ZNF704: variants seen among roughly 807,000 people sequenced by gnomAD.
ZNF704 encodes the protein zinc finger protein 704.
A neutral mutation model predicts 44.7 loss-of-function variants in ZNF704; 10 were observed. The ratio of observed to expected loss-of-function variants is 0.22; its 90% CI spans 0.14 to 0.38. The LOEUF (loss-of-function observed/expected upper bound fraction) is 0.38, where lower values mean the gene tolerates loss of function less well. Ranked by LOEUF, ZNF704 falls within the 10% of genes least tolerant of loss-of-function variation. The pLI is 1.00. For synonymous variants in ZNF704, 211 were observed against 207.6 expected (o/e 1.02, Z -0.14); for missense variants, 390 against 545.5 (o/e 0.71, Z 2.84).
At chr8:80,782,195 G>A (rs1199094261) in intron 2 of ZNF704, among the ~76,000 whole-genome samples, 3 of 152,178 alleles carry the variant, frequency 2.0e-5, no homozygotes, top group Non-Finnish European at 4.4e-5. Flanking sequence ...GCAGACACAA[G>A]CAAGTATGCA....
chr8:80,641,570 A>T, intron 8 of ZNF704, 93 bp from the exon 9 acceptor site: 15 of 122,742 alleles, frequency 1.2e-4, no homozygotes, highest in East Asian at 7.4e-4. Flanking sequence ...GTGAGGGAGG[A>T]AAAAAAAAAA....
chr8:80,747,740 C>A (rs1008285678), intron 2 of ZNF704, among the ~76,000 whole-genome samples: 1 of 152,078 alleles, frequency 6.6e-6, no homozygotes, highest in Admixed American at 6.5e-5. Context: ...TTTTTTGAGA[C>A]GGAGTCTCGC....
chr8:80,673,844 C>T (rs1180994250), intron 4 of ZNF704, among the ~76,000 whole-genome samples: 1 of 152,264 alleles, frequency 6.6e-6, no homozygotes, highest in Non-Finnish European at 1.5e-5. Context: ...AGATTACCAA[C>T]CACGGAAGGA....
intron 6 of ZNF704, among the ~76,000 whole-genome samples, chr8:80,662,711 T>C (rs1818120218): frequency 6.6e-6 from 1 of 152,218 alleles, no homozygotes; most frequent in African/African-American, 2.4e-5. Flanking sequence ...ATTCTGGCAA[T>C]ACATAGTAAG....
chr8:80,823,329 C>G (rs1346995802), intron 1 of ZNF704, among the ~76,000 whole-genome samples: 1 of 152,212 alleles, frequency 6.6e-6, no homozygotes, highest in Admixed American at 6.5e-5. Context: ...ACTGCAAGGA[C>G]AGCAGTCTGA....
intron 4 of ZNF704, among the ~76,000 whole-genome samples, chr8:80,680,167 G>A (rs1473791259): frequency 6.6e-6 from 1 of 152,148 alleles, no homozygotes; most frequent in African/African-American, 2.4e-5. Flanking sequence ...GTCACCTTCA[G>A]TTCCAAGAGT....
rs181736068 is a variant in ZNF704, at chr8:80,727,351, C to G, written c.222-34244G>C. Among the ~76,000 whole-genome samples, 337 of 151,994 alleles carry G rather than the reference C, an allele frequency of 2.2e-3. 3 individuals carry two copies. The highest frequency in any genetic ancestry group is 1.9e-3 in the Non-Finnish European group (128 of 67,998). Reference sequence around the variant, plus strand: ...TGGAAGAGGGGAAAGATTCTGCTCTCAGACAAAGAAGGAGATGCAAAAGAA... The same window carrying G: ...TGGAAGAGGGGAAAGATTCTGCTCTGAGACAAAGAAGGAGATGCAAAAGAA... On this transcript the variant is annotated intron_variant, in intron 2 of 8. Coordinates refer to ENST00000327835, the MANE Select transcript of ZNF704 (RefSeq NM_001033723.3).
intron 2 of ZNF704, among the ~76,000 whole-genome samples, chr8:80,780,125 G>A (rs747952858): frequency 1.3e-4 from 20 of 152,190 alleles, no homozygotes; most frequent in South Asian, 4.2e-4. Flanking sequence ...GTGTGAGAGG[G>A]TTCAGAGAGA....
chr8:80,662,684 T>C (rs1818119676), intron 6 of ZNF704, among the ~76,000 whole-genome samples: 1 of 152,196 alleles, frequency 6.6e-6, no homozygotes, highest in South Asian at 2.1e-4. Context: ...GCTTTGTACT[T>C]GGTACCACTG....
Position 80,641,493 on chromosome 8 carries a change from G to A in ZNF704, c.1128-16C>T, listed in dbSNP as rs1471698930. 3.2e-6 allele frequency: 5 copies of A among 1,581,676 alleles called. No homozygotes were observed. The highest frequency in any genetic ancestry group is 1.4e-5 in the African/African-American group (1 of 73,962). ...CCTGGGCTTCCTGTAAGACAGACGA[G>A]GAAGGTTAGTTTAGTGGGAGGAATT... On this transcript the variant is annotated splice_polypyrimidine_tract_variant and intron_variant, in intron 8 of 8. Coordinates refer to ENST00000327835, the MANE Select transcript of ZNF704 (RefSeq NM_001033723.3).
At chr8:80,873,908 G>A (rs1335786229) in intron 1 of ZNF704, among the ~76,000 whole-genome samples, 1 of 146,282 alleles carries the variant, frequency 6.8e-6, no homozygotes, top group Non-Finnish European at 1.5e-5. Flanking sequence ...CGCCGGGGCC[G>A]GGCCCGGGAC....
At chr8:80,808,959 C>T (rs796258304) in intron 2 of ZNF704, among the ~76,000 whole-genome samples, 5 of 152,216 alleles carry the variant, frequency 3.3e-5, no homozygotes, top group African/African-American at 1.2e-4. Flanking sequence ...ATAATCAATC[C>T]CGAAGAACAA....
At position 80,834,911 on chromosome 8, in the gene ZNF704, A is replaced by G. The variant is rs1404572777; in HGVS notation, c.-21-13296T>C. Among the ~76,000 whole-genome samples the G allele has an allele frequency of 3.3e-5, 5 of 152,112 alleles. No individual in the cohort carries two copies. The East Asian group carries it at 9.7e-4, about 29-fold the overall frequency. ...GTATTCCATGGTGTATATGTGCCAC[A>G]TTTTCTTTATCCAGCCTATCATTGA... On this transcript the variant is annotated intron_variant, in intron 1 of 8. Transcript: ENST00000327835.
intron 4 of ZNF704, among the ~76,000 whole-genome samples, chr8:80,675,472 TG>T (rs1004831870): frequency 9.8e-5 from 14 of 143,576 alleles, no homozygotes; most frequent in African/African-American, 3.0e-4. Context: ...AGTTTTGTTT[TG>T]TTTTTTTTTT....
At chr8:80,847,966 A>G (rs771312191) in intron 1 of ZNF704, among the ~76,000 whole-genome samples, 3 of 152,244 alleles carry the variant, frequency 2.0e-5, no homozygotes, top group Non-Finnish European at 4.4e-5. Context: ...AAGTTTATAC[A>G]AAAATGTATA....
chr8:80,845,405 G>C (rs1808752312), intron 1 of ZNF704, among the ~76,000 whole-genome samples: 1 of 152,190 alleles, frequency 6.6e-6, no homozygotes, highest in African/African-American at 2.4e-5. Flanking sequence ...TCCAACTTGT[G>C]CTACTCACCT....
chr8:80,774,753 T>C (rs1425719396), intron 2 of ZNF704, among the ~76,000 whole-genome samples: 3 of 152,224 alleles, frequency 2.0e-5, no homozygotes, highest in Admixed American at 1.3e-4. Flanking sequence ...TTCTGTGGTG[T>C]TCGGCTAGAG....
At chr8:80,882,605 C>A in the ZNF704 span, among the ~76,000 whole-genome samples, 31 of 152,188 alleles carry the variant, frequency 2.0e-4, no homozygotes, top group African/African-American at 6.5e-4. Flanking sequence ...CTTTCTTTTC[C>A]TTTCTTCATT....
upstream of ZNF704, among the ~76,000 whole-genome samples, chr8:80,875,426 T>C (rs142497771): frequency 0.09 from 13,669 of 152,190 alleles, 722 homozygotes; most frequent in African/African-American, 0.15. Flanking sequence ...TGCCTCAGCC[T>C]CCTGAGTACC....
Sources: gnomAD v4.1 joint callset for allele counts (sites outside exome capture counted in the v4.1 genomes callset) on GRCh38, gnomAD v4.1.1 for gene constraint, MANE v1.5 for transcripts, NCBI Gene and HGNC (gene_info 2026-07-23, HGNC 2026-07-21) for gene names.